The following ESRRG variants were observed in gnomAD, a reference collection of about 807,000 sequenced individuals.
The protein encoded by ESRRG is estrogen-related receptor gamma.
Under a neutral mutation model 44.0 loss-of-function variants are expected in ESRRG, and 13 were observed. The ratio of observed to expected loss-of-function variants is 0.30; its 90% confidence interval spans 0.19 to 0.47. ESRRG has a LOEUF of 0.47. ESRRG is among the 20% of genes least tolerant of loss of function. The pLI is 1.00. For missense variants in ESRRG, 395 were observed against 580.6 expected (o/e 0.68, Z 3.29); for synonymous variants, 215 against 214.6 (o/e 1.00, Z -0.02).
chr1:216,592,628 G>C (rs1174923411), intron 3 of ESRRG, among the ~76,000 whole-genome samples: 1 of 152,024 alleles, frequency 6.6e-6, no homozygotes, highest in Non-Finnish European at 1.5e-5. Context: ...AGCCTCCCAA[G>C]TAGCTGGGAT....
chr1:216,784,964 G>A (rs1384602886), intron 2 of ESRRG, among the ~76,000 whole-genome samples: 1 of 151,904 alleles, frequency 6.6e-6, no homozygotes, highest in South Asian at 2.1e-4. Flanking sequence ...CTGTGAACAA[G>A]GAGATAACAC....
intron 1 of ESRRG, among the ~76,000 whole-genome samples, chr1:217,102,724 A>G (rs948983654): frequency 6.6e-6 from 1 of 152,216 alleles, no homozygotes; most frequent in Admixed American, 6.5e-5. Flanking sequence ...TCCATCATTC[A>G]CAGGTAAATC....
chr1:217,062,962 A>T (rs2088864956), intron 1 of ESRRG, among the ~76,000 whole-genome samples: 1 of 152,182 alleles, frequency 6.6e-6, no homozygotes, highest in Non-Finnish European at 1.5e-5. Flanking sequence ...CTTAATCAAG[A>T]AGGAACTCTA....
intron 1 of ESRRG, among the ~76,000 whole-genome samples, chr1:217,058,577 T>C (rs1036783829): frequency 1.3e-5 from 2 of 152,126 alleles, no homozygotes; most frequent in African/African-American, 4.8e-5. Flanking sequence ...AGAGCACAAC[T>C]ATTTAAAAAT....
At chr1:216,996,881 C>A (rs2076434798) in intron 1 of ESRRG, among the ~76,000 whole-genome samples, 1 of 151,990 alleles carries the variant, frequency 6.6e-6, no homozygotes, top group African/African-American at 2.4e-5. Context: ...CAAAAGAAAG[C>A]ATTAAATATC....
chr1:217,127,857 AT>A (rs1350149331), intron 1 of ESRRG, among the ~76,000 whole-genome samples: 1 of 152,214 alleles, frequency 6.6e-6, no homozygotes, highest in Non-Finnish European at 1.5e-5. Context: ...TAAAGCTTCC[AT>A]TTTTTTAAAT....
intron 2 of ESRRG, among the ~76,000 whole-genome samples, chr1:216,922,938 T>G (rs10779286): frequency 0.5 from 75,652 of 152,016 alleles, 19,168 homozygotes; most frequent in Middle Eastern, 0.58. Flanking sequence ...TGTATATTTG[T>G]TGTCACTGTT....
chr1:217,132,156 AT>A (rs1444088331), intron 1 of ESRRG, among the ~76,000 whole-genome samples: 1 of 152,054 alleles, frequency 6.6e-6, no homozygotes, highest in Admixed American at 6.6e-5. Flanking sequence ...ATGCTCAGTA[AT>A]TTTATTTTTT....
intron 3 of ESRRG, among the ~76,000 whole-genome samples, chr1:216,646,528 A>G (rs977422801): frequency 6.6e-6 from 1 of 152,174 alleles, no homozygotes; most frequent in African/African-American, 2.4e-5. Context: ...CAGAGGTGGT[A>G]GAACCAGGGC....
rs146220903 is a variant in ESRRG at position 216,918,490 on chromosome 1, T to C, written c.-14+21092A>G. On this transcript the variant is annotated intron_variant, in intron 2 of 7. Transcript: ENST00000359162. ...TTTTCTTCTCTATAATTCTAGATAG[T>C]GCAAGCTTCTCTACATAGATATATA... Among the ~76,000 whole-genome samples, 970 of 152,282 alleles carry C rather than the reference T, an allele frequency of 6.4e-3. 10 individuals are homozygous for C. The highest frequency in any genetic ancestry group is 0.022 in the African/African-American group (929 of 41,566).
intron 3 of ESRRG, among the ~76,000 whole-genome samples, chr1:216,569,819 C>T (rs1246699253): frequency 6.6e-6 from 1 of 152,162 alleles, no homozygotes. Flanking sequence ...ATTACTATTT[C>T]ATTTAAGCCC....
At chr1:216,785,213 C>A (rs760830178) in intron 2 of ESRRG, among the ~76,000 whole-genome samples, 1 of 151,944 alleles carries the variant, frequency 6.6e-6, no homozygotes, top group Non-Finnish European at 1.5e-5. Context: ...TCATTGTCAC[C>A]CTGTATTTTT....
intron 1 of ESRRG, among the ~76,000 whole-genome samples, chr1:217,133,605 T>TTTCTTTCTTTCTTTC (rs2092996029): frequency 1.0e-5 from 1 of 98,416 alleles, no homozygotes; most frequent in African/African-American, 3.7e-5. Flanking sequence ...TGTTTTCCTT[T>TTTCTTTCTTTCTTTC]TTTCTTTCTT....
intron 3 of ESRRG, among the ~76,000 whole-genome samples, chr1:216,635,678 G>T (rs959808290): frequency 6.6e-6 from 1 of 152,062 alleles, no homozygotes; most frequent in African/African-American, 2.4e-5. Context: ...ATTCTGGCAG[G>T]TTTTGCTGAC....
chr1:217,105,885 T>C (rs1446985475), intron 1 of ESRRG, among the ~76,000 whole-genome samples: 1 of 152,170 alleles, frequency 6.6e-6, no homozygotes, highest in Non-Finnish European at 1.5e-5. Context: ...ATGACATAGA[T>C]GCCAACAAAA....
intron 3 of ESRRG, among the ~76,000 whole-genome samples, chr1:216,613,970 C>T (rs1253565370): frequency 3.9e-5 from 6 of 152,196 alleles, no homozygotes; most frequent in Non-Finnish European, 5.9e-5. Context: ...GCTTGATTTG[C>T]AACTTTGGTG....
chr1:217,036,355 A>G (rs956181164), intron 1 of ESRRG, among the ~76,000 whole-genome samples: 1 of 152,230 alleles, frequency 6.6e-6, no homozygotes, highest in Non-Finnish European at 1.5e-5. Context: ...ATAAAGATAC[A>G]TTCATGTGTA....
intron 1 of ESRRG, among the ~76,000 whole-genome samples, chr1:216,973,240 C>G (rs185359530): frequency 6.6e-6 from 1 of 152,232 alleles, no homozygotes; most frequent in Admixed American, 6.5e-5. Flanking sequence ...AAAGCCACAG[C>G]CATGATACCG....
intron 1 of ESRRG, among the ~76,000 whole-genome samples, chr1:217,131,829 A>C (rs1479011869): frequency 6.6e-6 from 1 of 152,214 alleles, no homozygotes; most frequent in African/African-American, 2.4e-5. Context: ...TCAAAGAGTC[A>C]CTTAGTTCTC....
Sources: allele counts gnomAD v4.1 joint callset (sites outside exome capture counted in the v4.1 genomes callset), GRCh38; gene constraint gnomAD v4.1.1; transcripts MANE v1.5; gene names NCBI Gene and HGNC (gene_info 2026-07-23, HGNC 2026-07-21).